The following MARCHF8 variants were observed in gnomAD, a reference collection of about 807,000 sequenced individuals.
The protein encoded by MARCHF8 is membrane associated ring-CH-type finger 8, also known as E3 ubiquitin-protein ligase MARCHF8.
In MARCHF8, 40 loss-of-function variants were observed where a neutral mutation model predicts 51.6. The observed-to-expected ratio is 0.77, with a 90% confidence interval of 0.60 to 1.01. The LOEUF is 1.01. MARCHF8 is among the 50% of genes least tolerant of loss of function. The pLI is 0.00. For synonymous variants in MARCHF8, 263 were observed against 280.3 expected (o/e 0.94, Z 0.62); for missense variants, 685 against 708.6 (o/e 0.97, Z 0.38).
intron 3 of MARCHF8, 61 bp downstream of exon 3, chr10:45,489,306 G>A: frequency 8.3e-7 from 1 of 1,205,262 alleles, no homozygotes; most frequent in Middle Eastern, 2.0e-4. Context: ...ATAAACACAT[G>A]TAAGGCATAA....
At chr10:45,498,228 A>G (rs968219530) in intron 2 of MARCHF8, among the ~76,000 whole-genome samples, 4 of 152,220 alleles carry the variant, frequency 2.6e-5, no homozygotes, top group African/African-American at 9.6e-5. Flanking sequence ...AGTATTAAGT[A>G]TATTCACATT....
At chr10:45,554,471 G>A (rs1462186735) in intron 1 of MARCHF8, among the ~76,000 whole-genome samples, 1 of 152,178 alleles carries the variant, frequency 6.6e-6, no homozygotes, top group Non-Finnish European at 1.5e-5. Context: ...AAGGAACCAG[G>A]GCTGGTTAAA....
At chr10:45,561,916 A>G (rs1170917891) in intron 1 of MARCHF8, among the ~76,000 whole-genome samples, 2 of 151,408 alleles carry the variant, frequency 1.3e-5, no homozygotes, top group Admixed American at 6.6e-5. Flanking sequence ...AAAAAAAAAA[A>G]AAAAAGAAAT....
chr10:45,527,359 G>T (rs1349164431), intron 2 of MARCHF8, among the ~76,000 whole-genome samples: 1 of 151,952 alleles, frequency 6.6e-6, no homozygotes, highest in Admixed American at 6.6e-5. Context: ...AAACAAAATT[G>T]ACAGCCTACT....
chr10:45,486,146 T>C (rs1431392768), intron 3 of MARCHF8, among the ~76,000 whole-genome samples: 4 of 152,168 alleles, frequency 2.6e-5, no homozygotes, highest in African/African-American at 9.7e-5. Context: ...AACCAGGAAG[T>C]TCTGTGAGTA....
chr10:45,521,683 C>T (rs1464703083), intron 2 of MARCHF8, among the ~76,000 whole-genome samples: 1 of 152,130 alleles, frequency 6.6e-6, no homozygotes, highest in South Asian at 2.1e-4. Context: ...TAAATTATTT[C>T]GTATAATTTA....
chr10:45,585,617 A>T (rs2044610070), intron 1 of MARCHF8, among the ~76,000 whole-genome samples: 1 of 152,210 alleles, frequency 6.6e-6, no homozygotes, highest in Admixed American at 6.5e-5. Context: ...TGTCTCTGGG[A>T]ACATAACAGA....
chr10:45,492,276 TTTC>T (rs369983458), intron 2 of MARCHF8, among the ~76,000 whole-genome samples: 34 of 151,978 alleles, frequency 2.2e-4, no homozygotes, highest in East Asian at 5.8e-4. Flanking sequence ...CACTGCTCTT[TTTC>T]TTCTTCTTCT....
chr10:45,489,482 T>C, intron 2 of MARCHF8, 65 bp from the exon 3 acceptor site: 1 of 1,411,364 alleles, frequency 7.1e-7, no homozygotes. Context: ...GAACAAGTAA[T>C]TGATCACAAC....
At chr10:45,469,402 G>A (rs190191962) in intron 3 of MARCHF8, among the ~76,000 whole-genome samples, 4 of 152,270 alleles carry the variant, frequency 2.6e-5, no homozygotes, top group African/African-American at 4.8e-5. Context: ...ACAACTTTCC[G>A]ACTTTGGGAT....
chr10:45,523,640 C>T (rs2043745227), intron 2 of MARCHF8, among the ~76,000 whole-genome samples: 1 of 152,208 alleles, frequency 6.6e-6, no homozygotes, highest in Non-Finnish European at 1.5e-5. Flanking sequence ...GTCCAATTCA[C>T]ACAGGACAGC....
chr10:45,532,193 T>C (rs2043898162), intron 2 of MARCHF8, among the ~76,000 whole-genome samples: 1 of 152,246 alleles, frequency 6.6e-6, no homozygotes, highest in Admixed American at 6.5e-5. Context: ...AATTGATTAA[T>C]GCTATTTATT....
chr10:45,565,084 C>T (rs997683332), intron 1 of MARCHF8, among the ~76,000 whole-genome samples: 3 of 151,574 alleles, frequency 2.0e-5, no homozygotes, highest in Non-Finnish European at 2.9e-5. Context: ...AGAAGACACA[C>T]GCTGGCTGTT....
intron 2 of MARCHF8, among the ~76,000 whole-genome samples, chr10:45,489,773 T>C (rs1236843609): frequency 1.3e-5 from 2 of 152,198 alleles, no homozygotes; most frequent in Admixed American, 1.3e-4. Flanking sequence ...TAAGACACAT[T>C]TCAAGTGGAG....
intron 1 of MARCHF8, among the ~76,000 whole-genome samples, chr10:45,577,534 T>C (rs2044504144): frequency 6.6e-6 from 1 of 152,150 alleles, no homozygotes; most frequent in African/African-American, 2.4e-5. Flanking sequence ...TTAAAAATAT[T>C]ATTTAAAAAA....
intron 3 of MARCHF8, among the ~76,000 whole-genome samples, chr10:45,473,403 T>C (rs1261656840): frequency 6.6e-6 from 1 of 152,266 alleles, no homozygotes; most frequent in East Asian, 1.9e-4. Context: ...GCTAGGGGGC[T>C]GGCAGAGAGA....
rs201966231 is a variant in MARCHF8, at chr10:45,543,539, C to T, written c.-78-10250G>A. ...TCTGGCCGGGCACGGTGGCTCATGC[C>T]TGTAATCCTAGCACTTTGGGAGGCC... On this transcript the variant is annotated intron_variant, in intron 1 of 6. Transcript: ENST00000319836. Among the ~76,000 whole-genome samples the T allele has an allele frequency of 6.6e-5, 10 of 152,254 alleles. No individual in the cohort carries two copies. The East Asian group carries it at 1.7e-3, about 26-fold the overall frequency.
chr10:45,503,536 C>CAAATAAAT (rs74794115), intron 2 of MARCHF8, among the ~76,000 whole-genome samples: 23,653 of 144,764 alleles, frequency 0.16, 2,040 homozygotes, highest in South Asian at 0.17. Context: ...GACTCCGTCT[C>CAAATAAAT]AAATAAATAA....
intron 1 of MARCHF8, among the ~76,000 whole-genome samples, chr10:45,583,302 CG>C (rs1388156668): frequency 2.0e-5 from 3 of 152,070 alleles, no homozygotes; most frequent in African/African-American, 7.2e-5. Context: ...GAAATAAAAA[CG>C]GGACAACCAA....
Sources: allele counts gnomAD v4.1 joint callset (sites outside exome capture counted in the v4.1 genomes callset), GRCh38; gene constraint gnomAD v4.1.1; transcripts MANE v1.5; gene names NCBI Gene and HGNC (gene_info 2026-07-23, HGNC 2026-07-21).